ST6GAL1: variants seen among roughly 807,000 people sequenced by gnomAD.
The protein encoded by ST6GAL1 is ST6 beta-galactoside alpha-2,6-sialyltransferase 1.
A neutral mutation model predicts 38.0 loss-of-function variants in ST6GAL1; 20 were observed. That is an observed-to-expected ratio of 0.53 (90% CI 0.37 to 0.77). The LOEUF is 0.77. ST6GAL1 is among the 30% of genes least tolerant of loss of function. ST6GAL1 has a pLI of 0.00. For missense variants in ST6GAL1, 432 were observed against 496.4 expected, an observed-to-expected ratio of 0.87 and a Z score of 1.23; for synonymous variants, 196 against 188.2, an observed-to-expected ratio of 1.04 and a Z score of -0.34.
At chr3:186,973,334 C>T (rs1284721591) in intron 2 of ST6GAL1, among the ~76,000 whole-genome samples, 10 of 152,342 alleles carry the variant, frequency 6.6e-5, no homozygotes, top group Non-Finnish European at 1.3e-4. Flanking sequence ...CTGCGCCCGG[C>T]CCTCTTCTGT....
chr3:187,022,488 C>A (rs1717361880), intron 2 of ST6GAL1, among the ~76,000 whole-genome samples: 1 of 152,044 alleles, frequency 6.6e-6, no homozygotes, highest in Admixed American at 6.6e-5. Flanking sequence ...GGAAGGAATG[C>A]CTGAGTAAGA....
intron 1 of ST6GAL1, among the ~76,000 whole-genome samples, chr3:186,950,606 G>A (rs556288368): frequency 4.6e-5 from 7 of 152,306 alleles, no homozygotes; most frequent in South Asian, 2.1e-4. Context: ...GGTACAAAGC[G>A]GTTGTTATCA....
chr3:186,949,925 G>A (rs76793541), intron 1 of ST6GAL1, among the ~76,000 whole-genome samples: 8,034 of 152,266 alleles, frequency 0.053, 233 homozygotes, highest in Middle Eastern at 0.15. Context: ...CCAATAAATC[G>A]TGGTTATTTT....
At chr3:186,938,533 A>G (rs981614281) in intron 1 of ST6GAL1, among the ~76,000 whole-genome samples, 1 of 152,162 alleles carries the variant, frequency 6.6e-6, no homozygotes, top group African/African-American at 2.4e-5. Flanking sequence ...CAAGCCGCAC[A>G]CTTTTGCTCC....
At chr3:186,938,492 A>G in intron 1 of ST6GAL1, among the ~76,000 whole-genome samples, 1 of 152,188 alleles carries the variant, frequency 6.6e-6, no homozygotes, top group Admixed American at 6.5e-5. Context: ...CAGTTAAGTA[A>G]TAGCTGTTAT....
intron 2 of ST6GAL1, chr3:186,986,679 C>T (rs920931918): frequency 9.9e-5 from 15 of 152,066 alleles, no homozygotes; most frequent in African/African-American, 3.6e-4. Flanking sequence ...TAGAGTGACA[C>T]GTTATCTGAG....
intron 2 of ST6GAL1, among the ~76,000 whole-genome samples, chr3:187,016,672 C>T (rs993216970): frequency 7.9e-5 from 12 of 152,178 alleles, no homozygotes; most frequent in Non-Finnish European, 1.5e-4. Flanking sequence ...ATAAAATGTT[C>T]TTCAGGTGTG....
chr3:186,932,307 A>T (rs1265310102), intron 1 of ST6GAL1, among the ~76,000 whole-genome samples: 3 of 152,168 alleles, frequency 2.0e-5, no homozygotes, highest in Non-Finnish European at 4.4e-5. Flanking sequence ...AGAACACTTG[A>T]GTGTGGGTCT....
chr3:186,966,801 AGGCGTGTCAGTCCCT>A (rs1180966009), intron 2 of ST6GAL1, among the ~76,000 whole-genome samples: 1 of 152,174 alleles, frequency 6.6e-6, no homozygotes, highest in African/African-American at 2.4e-5. Context: ...TAGAAGCAAC[AGGCGTGTCAGTCCCT>A]GGACTCTCAG....
chr3:186,982,618 G>A (rs906497334), intron 2 of ST6GAL1, among the ~76,000 whole-genome samples: 1 of 152,144 alleles, frequency 6.6e-6, no homozygotes, highest in African/African-American at 2.4e-5. Context: ...AGTTTAACTA[G>A]GATGGGTTTA....
At chr3:187,049,091 A>C (rs1718420823) in intron 4 of ST6GAL1, among the ~76,000 whole-genome samples, 1 of 152,028 alleles carries the variant, frequency 6.6e-6, no homozygotes, top group Non-Finnish European at 1.5e-5. Context: ...GGGTTTCACC[A>C]TGTTGGTCAG....
rs193265433 is a variant in ST6GAL1 at position 187,053,690 on chromosome 3, C to T, written c.705+2344C>T. On this transcript the variant is annotated intron_variant, in intron 5 of 7. Coordinates refer to ENST00000169298, the MANE Select transcript of ST6GAL1 (RefSeq NM_173216.2). ...TTTTGGTACCAGTACCATGCTGTTT[C>T]GGTTACTGTAGCCTTATAGTATAGT... 6.0e-3 allele frequency among the ~76,000 whole-genome samples: 910 copies of T among 152,130 alleles called. 10 individuals are homozygous for T. The highest frequency in any genetic ancestry group is 0.021 in the African/African-American group (860 of 41,504).
intron 5 of ST6GAL1, chr3:187,072,628 T>C (rs1719426477): frequency 2.0e-6 from 1 of 512,730 alleles, no homozygotes; most frequent in African/African-American, 1.9e-5. Flanking sequence ...ACCCTTTCTA[T>C]TCTATGGCTA....
intron 2 of ST6GAL1, among the ~76,000 whole-genome samples, chr3:187,023,048 G>A (rs1717386283): frequency 6.6e-6 from 1 of 152,074 alleles, no homozygotes; most frequent in African/African-American, 2.4e-5. Context: ...GTATGATGAG[G>A]GTGTAACCTC....
intron 1 of ST6GAL1, among the ~76,000 whole-genome samples, chr3:186,950,436 C>A (rs1191172494): frequency 6.6e-6 from 1 of 152,202 alleles, no homozygotes; most frequent in Non-Finnish European, 1.5e-5. Flanking sequence ...CTTGTCATCC[C>A]AGTGATCTCT....
Position 187,077,689 on chromosome 3 carries a change from T to G in ST6GAL1, c.*1886T>G, listed in dbSNP as rs1395952817. On this transcript the variant is annotated 3_prime_UTR_variant, in exon 8 of 8. Transcript: ENST00000169298. ...AAAGCACCTGTCCTGGCTCTGTACCTGGCACGTAGTAGGTGCTCAGTTCAT... is the reference window on the plus strand; with the variant it reads ...AAAGCACCTGTCCTGGCTCTGTACCGGGCACGTAGTAGGTGCTCAGTTCAT... 1.3e-5 allele frequency: 2 copies of G among 152,338 alleles called. No individual in the cohort carries two copies. The highest frequency in any genetic ancestry group is 4.8e-5 in the African/African-American group (2 of 41,454). The allele number at this position is 152,338 out of a possible 1,614,324, so 9.4% of individuals were successfully genotyped here.
At chr3:187,060,279 G>A (rs1718868753) in intron 5 of ST6GAL1, among the ~76,000 whole-genome samples, 1 of 152,142 alleles carries the variant, frequency 6.6e-6, no homozygotes. Flanking sequence ...CCCTGCCTCA[G>A]CCTCCCGAGT....
At chr3:187,007,645 A>G (rs1716826047) in intron 2 of ST6GAL1, among the ~76,000 whole-genome samples, 1 of 152,230 alleles carries the variant, frequency 6.6e-6, no homozygotes, top group Non-Finnish European at 1.5e-5. Flanking sequence ...ATACAATTCA[A>G]ATTTACTCAA....
At chr3:186,969,242 G>A (rs1715259170) in intron 2 of ST6GAL1, among the ~76,000 whole-genome samples, 2 of 151,908 alleles carry the variant, frequency 1.3e-5, no homozygotes, top group East Asian at 1.9e-4. Context: ...TAGTAGAGAC[G>A]GGGTTTCACC....
Sources: gnomAD v4.1 joint callset for allele counts (sites outside exome capture counted in the v4.1 genomes callset) on GRCh38, gnomAD v4.1.1 for gene constraint, MANE v1.5 for transcripts, NCBI Gene and HGNC (gene_info 2026-07-23, HGNC 2026-07-21) for gene names.